Variants in FANCL observed in about 807,000 individuals in gnomAD.
FANCL encodes E3 ubiquitin-protein ligase FANCL.
Under a neutral mutation model 59.4 loss-of-function variants are expected in FANCL, and 69 were observed. The observed-to-expected ratio is 1.16, with a 90% CI of 0.96 to 1.42. The LOEUF (loss-of-function observed/expected upper bound fraction) is 1.42. Among genes scored for constraint, FANCL ranks in the 40% most tolerant of loss-of-function variants. FANCL has a pLI of 0.00. For synonymous variants in FANCL, 180 were observed against 147.1 expected, an observed-to-expected ratio of 1.22 and a Z score of -1.62; for missense variants, 519 against 447.2, an observed-to-expected ratio of 1.16 and a Z score of -1.45.
chr2:58,233,668 T>C (rs893378813), intron 1 of FANCL, among the ~76,000 whole-genome samples: 3 of 151,818 alleles, frequency 2.0e-5, no homozygotes, highest in African/African-American at 7.3e-5. Flanking sequence ...CCACAGCAAC[T>C]CTTTTTAGAG....
chr2:58,177,204 C>A (rs561364130), intron 7 of FANCL, among the ~76,000 whole-genome samples: 2,775 of 152,098 alleles, frequency 0.018, 78 homozygotes, highest in African/African-American at 0.064. Flanking sequence ...TAGTTCAACC[C>A]TTGTGGAAGT....
At chr2:58,161,711 A>G in intron 11 of FANCL, 73 bp from the exon 12 acceptor site, 3 of 977,188 alleles carry the variant, frequency 3.1e-6, no homozygotes, top group South Asian at 2.7e-5. Flanking sequence ...TTGGGAGGGT[A>G]TGTGTGATAT....
intron 4 of FANCL, among the ~76,000 whole-genome samples, chr2:58,226,339 C>A (rs978661984): frequency 5.3e-5 from 8 of 152,180 alleles, no homozygotes; most frequent in African/African-American, 1.9e-4. Context: ...TAAAATGAAG[C>A]CTAATAAGTT....
At chr2:58,211,526 G>T (rs1457542613) in intron 5 of FANCL, among the ~76,000 whole-genome samples, 1 of 152,180 alleles carries the variant, frequency 6.6e-6, no homozygotes, top group Non-Finnish European at 1.5e-5. Context: ...TGTTACTTAT[G>T]CAAATTTCTG....
intron 7 of FANCL, among the ~76,000 whole-genome samples, chr2:58,172,412 G>A (rs986247420): frequency 1.3e-5 from 2 of 152,164 alleles, no homozygotes; most frequent in African/African-American, 4.8e-5. Flanking sequence ...AACTTCCAGA[G>A]GAACCATCAG....
At chr2:58,174,824 C>A (rs1281772653) in intron 7 of FANCL, among the ~76,000 whole-genome samples, 16 of 152,040 alleles carry the variant, frequency 1.1e-4, no homozygotes, top group Non-Finnish European at 1.5e-4. Flanking sequence ...CACAAAAGAC[C>A]CTTCAAAAAA....
intron 5 of FANCL, among the ~76,000 whole-genome samples, chr2:58,205,989 G>T (rs1214435482): frequency 6.6e-6 from 1 of 152,014 alleles, no homozygotes; most frequent in Non-Finnish European, 1.5e-5. Flanking sequence ...TAGAATCCAA[G>T]AATACGCAAT....
chr2:58,194,467 G>A (rs1355273695), intron 7 of FANCL, among the ~76,000 whole-genome samples: 1 of 152,120 alleles, frequency 6.6e-6, no homozygotes, highest in Non-Finnish European at 1.5e-5. Context: ...TGTTCTCATC[G>A]TCTATGCTAA....
intron 1 of FANCL, among the ~76,000 whole-genome samples, chr2:58,235,497 A>G (rs1180663230): frequency 6.6e-6 from 1 of 152,154 alleles, no homozygotes; most frequent in African/African-American, 2.4e-5. Flanking sequence ...GCTTAAAATT[A>G]CTTGGAAAGA....
chr2:58,198,855 C>T (rs1433910102), intron 6 of FANCL, among the ~76,000 whole-genome samples, 193 bp from the exon 7 acceptor site: 6 of 151,866 alleles, frequency 4.0e-5, no homozygotes, highest in Admixed American at 6.6e-5. Flanking sequence ...GGTGAAACCT[C>T]GCCTCTACTA....
intron 7 of FANCL, among the ~76,000 whole-genome samples, chr2:58,176,201 T>A (rs1025689804): frequency 6.6e-6 from 1 of 152,188 alleles, no homozygotes; most frequent in Non-Finnish European, 1.5e-5. Flanking sequence ...ATGGCCACAC[T>A]GCCCAACGTA....
At chr2:58,213,352 A>G (rs776404841) in intron 5 of FANCL, among the ~76,000 whole-genome samples, 2 of 152,136 alleles carry the variant, frequency 1.3e-5, no homozygotes, top group African/African-American at 2.4e-5. Context: ...CTGAAACCCA[A>G]TTTTATCAGT....
In FANCL at chr2:58,227,365, C is replaced by T. The variant is rs1693114618; in HGVS notation, c.217-581G>A. On this transcript the variant is annotated intron_variant, in intron 3 of 13. Coordinates refer to ENST00000233741, the MANE Select transcript of FANCL (RefSeq NM_018062.4). ...ATCCCGTGGTTCCTGCCTTGGTGTA[C>T]TGGAAAAATTGGATCACATGTGGGC... 2.6e-5 allele frequency among the ~76,000 whole-genome samples: 4 copies of T among 152,112 alleles called. No individual in the cohort carries two copies. In the South Asian group the frequency reaches 8.3e-4, roughly 31 times the overall value.
chr2:58,172,314 C>G lies in FANCL; in HGVS notation c.541-6440G>C, dbSNP rs147217236. On this transcript the variant is annotated intron_variant, in intron 7 of 13. Transcript: ENST00000233741. ...ACTGCCTCCTTAAGTGGGTTCTTGACCCCTGACCCCTGAGCAGCCTAACTG... is the reference window on the plus strand; with the variant it reads ...ACTGCCTCCTTAAGTGGGTTCTTGAGCCCTGACCCCTGAGCAGCCTAACTG... 4.2e-3 allele frequency among the ~76,000 whole-genome samples: 638 copies of G among 152,332 alleles called. 7 individuals carry two copies. The highest frequency in any genetic ancestry group is 0.014 in the African/African-American group (596 of 41,580).
At chr2:58,207,520 T>C (rs1286162095) in intron 5 of FANCL, among the ~76,000 whole-genome samples, 1 of 152,232 alleles carries the variant, frequency 6.6e-6, no homozygotes, top group African/African-American at 2.4e-5. Context: ...CAACCCACTC[T>C]TGACCATCTG....
At chr2:58,206,038 A>G (rs1055889327) in intron 5 of FANCL, among the ~76,000 whole-genome samples, 1 of 152,148 alleles carries the variant, frequency 6.6e-6, no homozygotes, top group Non-Finnish European at 1.5e-5. Context: ...ACTAATGTAA[A>G]TATATTTGAC....
rs948911144 is a variant in FANCL at position 58,218,734 on chromosome 2, A to C, written c.374+3208T>G. On this transcript the variant is annotated intron_variant, in intron 5 of 13. Coordinates refer to ENST00000233741, the MANE Select transcript of FANCL (RefSeq NM_018062.4). ...CACGTATACTGCAACTGAACAATTAAGTAAATGGATAACAGATAATGGGAG... is the reference window on the plus strand; with the variant it reads ...CACGTATACTGCAACTGAACAATTACGTAAATGGATAACAGATAATGGGAG... Among the ~76,000 whole-genome samples, 25 of 152,076 alleles carry C rather than the reference A, an allele frequency of 1.6e-4. 1 individual carries two copies. The highest frequency in any genetic ancestry group is 1.2e-3 in the Admixed American group (19 of 15,278).
rs1488563057 is a variant in FANCL at position 58,234,107 on chromosome 2, T to C, written c.97-1995A>G. ...AAAACGTCCATGAATACAAAGATACTGTCTTCATCAATGCAAAGCTACTAT... is the reference window on the plus strand; with the variant it reads ...AAAACGTCCATGAATACAAAGATACCGTCTTCATCAATGCAAAGCTACTAT... On this transcript the variant is annotated intron_variant, in intron 1 of 13. Coordinates refer to ENST00000233741, the MANE Select transcript of FANCL (RefSeq NM_018062.4). Among the ~76,000 whole-genome samples the C allele has an allele frequency of 2.6e-5, 4 of 152,196 alleles. No individual in the cohort carries two copies. In the East Asian group the frequency reaches 7.7e-4, roughly 29 times the overall value.
intron 7 of FANCL, among the ~76,000 whole-genome samples, chr2:58,186,681 A>G (rs1369676885): frequency 6.6e-6 from 1 of 152,144 alleles, no homozygotes; most frequent in Non-Finnish European, 1.5e-5. Flanking sequence ...ACAGGTGTAG[A>G]TATGTATGTA....
Sources: gnomAD v4.1 joint callset for allele counts (sites outside exome capture counted in the v4.1 genomes callset) on GRCh38, gnomAD v4.1.1 for gene constraint, MANE v1.5 for transcripts, NCBI Gene and HGNC (gene_info 2026-07-23, HGNC 2026-07-21) for gene names.